Variants in DGKB observed in about 807,000 individuals in gnomAD.
DGKB encodes the protein diacylglycerol kinase beta, also known as 90 kDa diacylglycerol kinase.
In DGKB, 67 loss-of-function variants were observed where a neutral mutation model predicts 114.3. The ratio of observed to expected loss-of-function variants is 0.59; its 90% CI spans 0.48 to 0.72. The LOEUF is 0.72. Among genes scored for constraint, DGKB ranks in the 30% least tolerant of loss-of-function variants. The probability of loss-of-function intolerance (pLI) is 0.00; values close to 1 mark genes in which losing one functional copy is unlikely to be tolerated. For synonymous variants in DGKB, 398 were observed against 323.1 expected (o/e 1.23, Z -2.49); for missense variants, 907 against 975.2 (o/e 0.93, Z 0.93).
intron 23 of DGKB, among the ~76,000 whole-genome samples, chr7:14,251,495 TTGTC>T (rs1795229824): frequency 6.6e-6 from 1 of 152,204 alleles, no homozygotes; most frequent in Non-Finnish European, 1.5e-5. Flanking sequence ...AAAGTTTTGT[TTGTC>T]TATTAACTTT....
At chr7:14,246,989 C>CCAA (rs1794576078) in intron 23 of DGKB, among the ~76,000 whole-genome samples, 1 of 152,140 alleles carries the variant, frequency 6.6e-6, no homozygotes, top group Non-Finnish European at 1.5e-5. Flanking sequence ...CCTAATTTCC[C>CCAA]CAACTGCTAG....
chr7:14,392,995 G>GTTTTGTTGTTTTTTTTTTTTTTTTTTTT (rs1554404749), intron 21 of DGKB, among the ~76,000 whole-genome samples: 13 of 60,548 alleles, frequency 2.1e-4, no homozygotes, highest in African/African-American at 5.3e-4. Context: ...TTTTGTTTTT[G>GTTTTGTTGTTTTTTTTTTTTTTTTTTTT]TTTTTTTTTT....
chr7:14,907,075 G>A (rs1783747924), upstream of DGKB, among the ~76,000 whole-genome samples: 1 of 152,184 alleles, frequency 6.6e-6, no homozygotes, highest in African/African-American at 2.4e-5. Context: ...CCATACGGGA[G>A]CTTTTCCACT....
rs183058910 is a variant in DGKB, at chr7:14,959,970, T to C, written c.-188+14726A>G. 1.1e-3 allele frequency among the ~76,000 whole-genome samples: 165 copies of C among 152,184 alleles called. 1 individual carries two copies. Among genetic ancestry groups the C allele is most frequent in the African/African-American group, 3.9e-3 (162 of 41,556 alleles). On this transcript the variant is annotated intron_variant, in intron 1 of 4. Transcript: ENST00000437998. ...TCAATCATGAGGGAAAACATAACAT[T>C]TTCTTTCATCACTTTTGCACAAAGC... is the stretch of plus-strand genomic sequence containing the variant.
chr7:14,718,638 G>A lies in DGKB; in HGVS notation c.370C>T (p.Pro124Ser), dbSNP rs1828619735. Reference sequence around the variant, plus strand: ...ACTTCTGGGGAACACGTATTTGCAGGAGAAGTAGTCCGGGGAGGGGTGATG... The same window carrying A: ...ACTTCTGGGGAACACGTATTTGCAGAAGAAGTAGTCCGGGGAGGGGTGATG... ...GAITPPRTTS[P>S]ANTCSPEVIH... is the part of the protein sequence containing the mutation. Residue 124 changes from proline to serine, a missense_variant, in exon 6 of 26, where the codon CCT (proline) becomes TCT (serine). Around this residue, in one of 3 missense-constraint regions of DGKB, gnomAD observed 814 missense variants for 856.6 expected, o/e 0.95. Coordinates refer to ENST00000402815, the MANE Select transcript of DGKB (RefSeq NM_001350709.2). 3.7e-6 allele frequency: 6 copies of A among 1,612,418 alleles called. No individual in the cohort carries two copies. Among genetic ancestry groups the A allele is most frequent in the South Asian group, 1.1e-5 (1 of 90,956 alleles).
intron 12 of DGKB, among the ~76,000 whole-genome samples, chr7:14,679,077 TG>T (rs1294561409): frequency 6.6e-6 from 1 of 151,950 alleles, no homozygotes; most frequent in Non-Finnish European, 1.5e-5. Context: ...GGATTCTGGA[TG>T]TTTTTTTGAG....
intron 13 of DGKB, among the ~76,000 whole-genome samples, chr7:14,661,745 C>T (rs553572248): frequency 0.015 from 2,230 of 151,658 alleles, 66 homozygotes; most frequent in African/African-American, 0.051. Context: ...GCTATAAAGA[C>T]ACATGCACAC....
At chr7:14,414,944 A>C (rs116985089) in intron 21 of DGKB, among the ~76,000 whole-genome samples, 1 of 152,086 alleles carries the variant, frequency 6.6e-6, no homozygotes, top group Non-Finnish European at 1.5e-5. Flanking sequence ...ACTCTGAAGA[A>C]AGCACCTAGT....
rs1199846127 is a variant in DGKB at position 14,896,944 on chromosome 7, T to C, written c.-188+5648A>G. Among the ~76,000 whole-genome samples the C allele has an allele frequency of 2.6e-5, 4 of 151,764 alleles. No homozygotes were observed. The Admixed American group carries it at 2.6e-4, about 10-fold the overall frequency. On this transcript the variant is annotated intron_variant, in intron 1 of 25. Coordinates refer to ENST00000402815, the MANE Select transcript of DGKB (RefSeq NM_001350709.2). ...GAACAATCAGAACAAAATACACAAC[T>C]TGGGATTCTAAAAGAAAGTGTATTA...
rs7809979 is a variant in DGKB at position 14,472,534 on chromosome 7, T to C, written c.1835+5627A>G. Among the ~76,000 whole-genome samples the C allele has an allele frequency of 8.8e-3, 1,338 of 152,220 alleles. 20 individuals are homozygous for C. The highest frequency in any genetic ancestry group is 0.031 in the African/African-American group (1,283 of 41,528). On this transcript the variant is annotated intron_variant, in intron 21 of 25. Coordinates refer to ENST00000402815, the MANE Select transcript of DGKB (RefSeq NM_001350709.2). ...CATGAAAACGGACTAATGCAATAAATTGGTACCAGTAGAATGGGGCACTGC... is the reference window on the plus strand; with the variant it reads ...CATGAAAACGGACTAATGCAATAAACTGGTACCAGTAGAATGGGGCACTGC...
At chr7:14,683,952 A>T (rs1821257566) in intron 10 of DGKB, among the ~76,000 whole-genome samples, 1 of 152,078 alleles carries the variant, frequency 6.6e-6, no homozygotes, top group Non-Finnish European at 1.5e-5. Context: ...GAGACTTATC[A>T]TTTTGTTTTA....
intron 4 of DGKB, 42 bp from the exon 5 acceptor site, chr7:14,736,236 A>G (rs1170647887): frequency 7.8e-7 from 1 of 1,288,374 alleles, no homozygotes; most frequent in East Asian, 2.4e-5. Flanking sequence ...AGATCCAACC[A>G]AATGTTAAAA....
chr7:14,201,601 T>C (rs779445891), intron 23 of DGKB, among the ~76,000 whole-genome samples: 26 of 151,790 alleles, frequency 1.7e-4, no homozygotes, highest in Non-Finnish European at 3.4e-4. Context: ...CTGATGATGA[T>C]GTCACCAACT....
In DGKB at chr7:14,672,907, A is replaced by G. The variant is rs1410742394; in HGVS notation, c.1134+22T>C. The G allele has an allele frequency of 2.1e-6, 3 of 1,396,378 alleles. 1 individual carries two copies. Among genetic ancestry groups the G allele is most frequent in the South Asian group, 2.5e-5 (2 of 80,312 alleles). 86.5% of individuals were successfully genotyped at this position (1,396,378 alleles called of 1,614,324 possible). Reference sequence around the variant, plus strand: ...AGTCACAGCAATCCTAAGTTATAGTAGAATGATAAGGAAAAACTCACCAGT... The same window carrying G: ...AGTCACAGCAATCCTAAGTTATAGTGGAATGATAAGGAAAAACTCACCAGT... On this transcript the variant is annotated intron_variant, in intron 13 of 25. Transcript: ENST00000402815.
intron 21 of DGKB, among the ~76,000 whole-genome samples, chr7:14,374,762 T>A (rs2128663204): frequency 6.6e-6 from 1 of 152,310 alleles, no homozygotes; most frequent in African/African-American, 2.4e-5. Flanking sequence ...GATACCTCTT[T>A]GTTATAAGGC....
chr7:14,191,669 A>C lies in DGKB; in HGVS notation c.2123-13518T>G, dbSNP rs1415004840. The stretch of plus-strand genomic sequence containing the variant: ...AATGCACCATGAGGCTTTGAGCGAA[A>C]CTCTTCTGGGGGACAAAGGGGGCTT... On this transcript the variant is annotated intron_variant, in intron 23 of 25. Transcript: ENST00000402815. 4 of 311,986 alleles carry C rather than the reference A, an allele frequency of 1.3e-5. No individual in the cohort carries two copies. The East Asian group carries it at 3.4e-4, about 27-fold the overall frequency. The allele number at this position is 311,986 out of a possible 1,614,324, so 19.3% of individuals were successfully genotyped here.
chr7:14,784,802 T>C (rs985521514), intron 2 of DGKB, among the ~76,000 whole-genome samples: 1 of 152,238 alleles, frequency 6.6e-6, no homozygotes, highest in Admixed American at 6.5e-5. Context: ...GGCTTCATTA[T>C]TTTACCTCCT....
At chr7:14,590,912 T>C (rs557778266) in intron 17 of DGKB, among the ~76,000 whole-genome samples, 1 of 152,234 alleles carries the variant, frequency 6.6e-6, no homozygotes, top group South Asian at 2.1e-4. Context: ...CTCCTCCGCC[T>C]GCACTGTTCT....
chr7:14,809,857 C>A (rs1248614457), intron 2 of DGKB, among the ~76,000 whole-genome samples: 1 of 152,056 alleles, frequency 6.6e-6, no homozygotes, highest in African/African-American at 2.4e-5. Context: ...GCAATAGGTC[C>A]TTTATTCAGC....
Sources: allele counts gnomAD v4.1 joint callset (sites outside exome capture counted in the v4.1 genomes callset), GRCh38; gene constraint gnomAD v4.1.1; regional missense constraint gnomAD v4.1.1; transcripts MANE v1.5; gene names NCBI Gene and HGNC (gene_info 2026-07-23, HGNC 2026-07-21).